The following XRCC3 variants were observed in gnomAD, a reference collection of about 807,000 sequenced individuals.
XRCC3 encodes DNA repair protein XRCC3.
A neutral mutation model predicts 29.2 loss-of-function variants in XRCC3; 34 were observed. That is an observed-to-expected ratio of 1.16 (90% CI 0.88 to 1.55). XRCC3 has a LOEUF of 1.55. Ranked by LOEUF, XRCC3 falls within the 40% of genes most tolerant of loss-of-function variation. The pLI, the probability that XRCC3 is intolerant of heterozygous loss-of-function variation, is 0.00. For synonymous variants in XRCC3, 223 were observed against 211.3 expected, an observed-to-expected ratio of 1.06 and a Z score of -0.48; for missense variants, 463 against 467.6, an observed-to-expected ratio of 0.99 and a Z score of 0.09.
chr14:103,711,302 A>G, intron 3 of XRCC3, 57 bp from the exon 4 acceptor site: 1 of 682,790 alleles, frequency 1.5e-6, no homozygotes, highest in Non-Finnish European at 2.7e-6. Flanking sequence ...CATCTAGGGC[A>G]ACATGTCTGT....
At chr14:103,704,799 T>G (rs2083375880) in intron 6 of XRCC3, 1 of 152,192 alleles carries the variant, frequency 6.6e-6, no homozygotes. Context: ...GGGACTGATT[T>G]GAGTAATAAT....
chr14:103,702,720 T>C, intron 7 of XRCC3: 1 of 196,138 alleles, frequency 5.1e-6, no homozygotes, highest in Admixed American at 5.3e-5. Context: ...CAGCCACTCC[T>C]GGCCAGGATT....
chr14:103,707,123 C>A lies in XRCC3; in HGVS notation c.286G>T (p.Gly96Cys). 1 of 1,550,006 alleles carries A rather than the reference C, an allele frequency of 6.5e-7. No homozygotes were observed. The highest frequency in any genetic ancestry group is 8.7e-7 in the Non-Finnish European group (1 of 1,147,012). Residue 96 changes from glycine (G) to cysteine (C), a missense_variant, in exon 6 of 10, where the codon GGC becomes TGC. Transcript: ENST00000555055. ...CPVLDALLRG[G>C]LPLDGITELA... The stretch of plus-strand genomic sequence containing the variant: ...TCAGTGATGCCGTCCAGGGGCAGGC[C>A]ACCGCGGAGCAGCGCGTCCAGCACC...
chr14:103,712,081 C>T (rs530873368), intron 2 of XRCC3: 22 of 281,334 alleles, frequency 7.8e-5, no homozygotes, highest in African/African-American at 3.9e-4. Flanking sequence ...CACTCGTATG[C>T]CCATGTTCAG....
At position 103,701,090 on chromosome 14, in the gene XRCC3, C is replaced by A. The variant is rs2083159771; in HGVS notation, c.562-1514G>T. On this transcript the variant is annotated intron_variant, in intron 7 of 9. Transcript: ENST00000555055. ...GGCTCACAACCAGCAACACCCTCTT[C>A]TCTAGGCAGACTTGGGGTGGGGGTT... is the stretch of plus-strand genomic sequence containing the variant. 5 of 1,363,468 alleles carry A rather than the reference C, an allele frequency of 3.7e-6. No individual in the cohort carries two copies. The Admixed American group carries it at 1.0e-4, about 27-fold the overall frequency. The allele number at this position is 1,363,468 out of a possible 1,614,324, so 84.5% of individuals were successfully genotyped here.
chr14:103,706,633 C>T, intron 6 of XRCC3: 1 of 387,798 alleles, frequency 2.6e-6, no homozygotes, highest in East Asian at 6.2e-5. Context: ...GGCGGCGGGG[C>T]ACCCGGGGAA....
chr14:103,712,977 T>C (rs861529), intron 1 of XRCC3, 46 bp from the exon 2 acceptor site: 138,478 of 152,442 alleles, frequency 0.91, 63,331 homozygotes, highest in Non-Finnish European at 0.97. Context: ...GTCTGTTTAG[T>C]GACGACCTCC....
At position 103,700,627 on chromosome 14, in the gene XRCC3, G is replaced by A. The variant is rs767070691; in HGVS notation, c.562-1051C>T. Reference sequence around the variant, plus strand: ...CCTGAGGGCCGCCTGCACGCCCTGAGTGAAACTCGTCTGTGCTTCATCTCC... The same window carrying A: ...CCTGAGGGCCGCCTGCACGCCCTGAATGAAACTCGTCTGTGCTTCATCTCC... On this transcript the variant is annotated intron_variant, in intron 7 of 9. Coordinates refer to ENST00000555055, the MANE Select transcript of XRCC3 (RefSeq NM_005432.4). 6.9e-6 allele frequency: 11 copies of A among 1,594,038 alleles called. No individual in the cohort carries two copies. In the Admixed American group the frequency reaches 1.9e-4, roughly 28 times the overall value.
At chr14:103,699,274 C>A (rs745449993) in intron 8 of XRCC3, 90 bp downstream of exon 8, 428 of 1,540,540 alleles carry the variant, frequency 2.8e-4, no homozygotes, top group South Asian at 3.3e-4. Context: ...GGCCACCTCA[C>A]TGCCACCCGC....
intron 5 of XRCC3, 80 bp from the exon 6 acceptor site, chr14:103,707,295 C>A: frequency 6.6e-7 from 1 of 1,507,894 alleles, no homozygotes; most frequent in Non-Finnish European, 9.0e-7. Flanking sequence ...CATGGTCAGC[C>A]TGCCTGTGCC....
At position 103,707,019 on chromosome 14, in the gene XRCC3, G is replaced by C; in HGVS notation, c.390C>G (p.His130Gln). Reference protein sequence around the residue: ...LCLAVQFPRQHGGLEAGAVYI... With the variant: ...LCLAVQFPRQQGGLEAGAVYI... ...GCCACTCACCAGCCTCCAGGCCTCC[G>C]TGCTGCCGCGGGAACTGCACAGCCA... is the stretch of plus-strand genomic sequence containing the variant. Residue 130 changes from histidine to glutamine, a missense_variant, in exon 6 of 10, where the codon CAC becomes CAG. Transcript: ENST00000555055. 6.4e-7 allele frequency: 1 copy of C among 1,560,578 alleles called. No homozygotes were observed. Among genetic ancestry groups the C allele is most frequent in the Non-Finnish European group, 8.6e-7 (1 of 1,157,336 alleles).
chr14:103,698,903 G>T lies in XRCC3; in HGVS notation c.936C>A (p.Ala312=). ...GGGCAGAGAGCACCCGCAGGGTCCG[G>T]GCTGGGCAGCCGAGGGCAGCCTCTT... The part of the protein sequence containing the change: ...REEEAALGCP[A]RTLRVLSAPH... Residue 312 remains alanine, a synonymous_variant, in exon 10 of 10, where the codon GCC becomes GCA. Coordinates refer to ENST00000555055, the MANE Select transcript of XRCC3 (RefSeq NM_005432.4). The T allele has an allele frequency of 6.2e-7, 1 of 1,602,554 alleles. No individual in the cohort carries two copies. Among genetic ancestry groups the T allele is most frequent in the South Asian group, 1.1e-5 (1 of 89,372 alleles).
rs1051178466 is a variant in XRCC3 at position 103,707,097 on chromosome 14, C to T, written c.312G>A (p.Glu104=). 3 of 1,553,856 alleles carry T rather than the reference C, an allele frequency of 1.9e-6. No homozygotes were observed. The highest frequency in any genetic ancestry group is 1.2e-5 in the South Asian group (1 of 84,350). The change falls in exon 6 of 10, where the codon GAG becomes GAA. Residue 104 remains glutamate, a synonymous_variant. Transcript: ENST00000555055. Reference sequence around the variant, plus strand: ...TCCCTGCCGAGCTGCGTCCGGCCAGCTCAGTGATGCCGTCCAGGGGCAGGC... The same window carrying T: ...TCCCTGCCGAGCTGCGTCCGGCCAGTTCAGTGATGCCGTCCAGGGGCAGGC... ...RGGLPLDGIT[E]LAGRSSAGKT...
chr14:103,705,944 G>A (rs775927844), intron 6 of XRCC3: 2 of 197,004 alleles, frequency 1.0e-5, no homozygotes, highest in Non-Finnish European at 2.1e-5. Flanking sequence ...CATTTTCAAG[G>A]CCAACTCCTG....
intron 6 of XRCC3, 101 bp downstream of exon 6, chr14:103,706,897 GGAACA>G (rs2083454671): frequency 8.0e-7 from 1 of 1,250,894 alleles, no homozygotes; most frequent in Admixed American, 2.0e-5. Context: ...CGCAATGGTA[GGAACA>G]GCGCAAGAGG....
intron 4 of XRCC3, 28 bp downstream of exon 4, chr14:103,711,005 C>A (rs780451323): frequency 1.2e-6 from 2 of 1,613,250 alleles, no homozygotes; most frequent in East Asian, 2.2e-5. Context: ...CCCACCCACA[C>A]CCTTTATGTA....
rs533312810 is a variant in XRCC3 at position 103,711,444 on chromosome 14, T to C, written c.-159+22A>G. ...AAATAAGACCATCCTCCTGCAGCAG[T>C]TGAGTGCCCTGCCCGACTCACCTCT... On this transcript the variant is annotated intron_variant, in intron 3 of 9. Coordinates refer to ENST00000555055, the MANE Select transcript of XRCC3 (RefSeq NM_005432.4). 1.0e-3 allele frequency: 517 copies of C among 508,180 alleles called. 4 individuals are homozygous for C. Among genetic ancestry groups the C allele is most frequent in the South Asian group, 3.2e-3 (208 of 65,050 alleles). The allele number at this position is 508,180 out of a possible 1,614,324, so 31.5% of individuals were successfully genotyped here. A position where few individuals can be genotyped will look rare whatever the true frequency, so the allele number is the denominator to read the frequency against.
At chr14:103,707,371 GA>G (rs2083472212) in intron 5 of XRCC3, 156 bp from the exon 6 acceptor site, 1 of 940,756 alleles carries the variant, frequency 1.1e-6, no homozygotes, top group South Asian at 1.5e-5. Context: ...TGAGGGCAGG[GA>G]GGGGGGCCCA....
At chr14:103,700,535 C>T in intron 7 of XRCC3, 1 of 794,694 alleles carries the variant, frequency 1.3e-6, no homozygotes, top group East Asian at 2.8e-5. Context: ...TAAGGGGCCC[C>T]TAGGCTGTCC....
Sources: allele counts gnomAD v4.1 joint callset, GRCh38; gene constraint gnomAD v4.1.1; transcripts MANE v1.5; gene names NCBI Gene and HGNC (gene_info 2026-07-23, HGNC 2026-07-21).